NTRK3: variants seen among roughly 807,000 people sequenced by gnomAD.
NTRK3 encodes the protein NT-3 growth factor receptor.
NTRK3 carries 24 observed loss-of-function variants against 91.7 expected under a neutral mutation model. That is an observed-to-expected ratio of 0.26 (90% CI 0.19 to 0.37). NTRK3 has a LOEUF of 0.37. Ranked by LOEUF, NTRK3 falls within the 10% of genes least tolerant of loss-of-function variation. NTRK3 has a pLI of 1.00. For synonymous variants in NTRK3, 483 were observed against 404.0 expected (o/e 1.20, Z -2.34); for missense variants, 880 against 1,068.9 (o/e 0.82, Z 2.46).
At position 88,149,380 on chromosome 15, in the gene NTRK3, G is replaced by A. The variant is rs192090288; in HGVS notation, c.396-1977C>T. 2.7e-3 allele frequency among the ~76,000 whole-genome samples: 414 copies of A among 152,262 alleles called. 4 individuals carry two copies. The highest frequency in any genetic ancestry group is 7.4e-3 in the African/African-American group (309 of 41,556). ...TGTCTCCCAAGTTTACTGTTCTGCT[G>A]TCTTCCCTGTACCCAGTACCCTCTC... On this transcript the variant is annotated intron_variant, in intron 5 of 18. Transcript: ENST00000394480.
intron 14 of NTRK3, among the ~76,000 whole-genome samples, chr15:88,016,970 A>AG (rs2077279073): frequency 6.6e-6 from 1 of 151,224 alleles, no homozygotes; most frequent in East Asian, 1.9e-4. Context: ...AAAAAAAAAA[A>AG]AAAAAAAAAA....
intron 14 of NTRK3, among the ~76,000 whole-genome samples, chr15:88,018,015 C>A (rs933682070): frequency 6.6e-6 from 1 of 152,166 alleles, no homozygotes. Flanking sequence ...CTGAGAGGCC[C>A]AGCCACAATC....
At chr15:88,198,144 G>A (rs969618955) in intron 3 of NTRK3, among the ~76,000 whole-genome samples, 6 of 152,182 alleles carry the variant, frequency 3.9e-5, no homozygotes, top group Non-Finnish European at 8.8e-5. Context: ...CAGGAATTGA[G>A]GTCAGGACTG....
At chr15:88,005,579 A>G (rs2076429235) in intron 14 of NTRK3, among the ~76,000 whole-genome samples, 1 of 152,120 alleles carries the variant, frequency 6.6e-6, no homozygotes. Context: ...TCTCAACTTT[A>G]GACTCCATGC....
At chr15:87,962,283 A>G (rs1014706704) in intron 14 of NTRK3, among the ~76,000 whole-genome samples, 4 of 152,062 alleles carry the variant, frequency 2.6e-5, no homozygotes, top group African/African-American at 9.7e-5. Context: ...TCCTTCCCCC[A>G]GGACTTATCT....
chr15:88,054,060 A>T (rs1471860587), intron 13 of NTRK3, among the ~76,000 whole-genome samples: 1 of 152,210 alleles, frequency 6.6e-6, no homozygotes, highest in Non-Finnish European at 1.5e-5. Context: ...TGGTGTTATG[A>T]CTGGTTCCAT....
chr15:88,026,443 G>A (rs760864319), intron 14 of NTRK3, among the ~76,000 whole-genome samples: 23 of 152,130 alleles, frequency 1.5e-4, no homozygotes, highest in Admixed American at 7.9e-4. Context: ...ACACTATAGA[G>A]ACAGTAGAAA....
intron 14 of NTRK3, among the ~76,000 whole-genome samples, chr15:88,000,689 A>G (rs1019332916): frequency 1.3e-5 from 2 of 151,822 alleles, no homozygotes; most frequent in Non-Finnish European, 2.9e-5. Context: ...AAGTACCAAT[A>G]CTCTATTCCT....
intron 5 of NTRK3, among the ~76,000 whole-genome samples, chr15:88,152,853 T>C (rs1400150129): frequency 6.6e-6 from 1 of 152,198 alleles, no homozygotes; most frequent in Non-Finnish European, 1.5e-5. Flanking sequence ...ATCTGCCCAC[T>C]TGCCCACCCC....
At chr15:87,911,125 AAC>A (rs1257335400) in intron 17 of NTRK3, among the ~76,000 whole-genome samples, 1 of 152,188 alleles carries the variant, frequency 6.6e-6, no homozygotes, top group Non-Finnish European at 1.5e-5. Flanking sequence ...GAGCAAGATA[AAC>A]ACAGTCACAG....
intron 17 of NTRK3, chr15:87,928,635 T>G (rs2141902006): frequency 5.9e-6 from 1 of 169,404 alleles, no homozygotes; most frequent in East Asian, 1.6e-4. Flanking sequence ...ATGCTTCCTT[T>G]CCTCATCTGT....
chr15:87,902,173 G>A (rs577366090), intron 17 of NTRK3, among the ~76,000 whole-genome samples: 1 of 152,198 alleles, frequency 6.6e-6, no homozygotes, highest in African/African-American at 2.4e-5. Flanking sequence ...AAATATCTAT[G>A]TTCCTCCATA....
intron 3 of NTRK3, among the ~76,000 whole-genome samples, chr15:88,204,054 C>T (rs1442331901): frequency 6.6e-6 from 1 of 152,130 alleles, no homozygotes; most frequent in African/African-American, 2.4e-5. Context: ...CCAACAGGCC[C>T]CAGTGTGTGA....
chr15:88,055,887 CT>C (rs2045630331), intron 13 of NTRK3, among the ~76,000 whole-genome samples: 1 of 152,078 alleles, frequency 6.6e-6, no homozygotes, highest in Non-Finnish European at 1.5e-5. Context: ...AGGTTGTTGC[CT>C]TGATAAAGGA....
chr15:88,099,516 G>A (rs2049963464), intron 13 of NTRK3, among the ~76,000 whole-genome samples: 1 of 152,128 alleles, frequency 6.6e-6, no homozygotes, highest in South Asian at 2.1e-4. Context: ...AGTTGGCCAG[G>A]TATTCCCTGA....
chr15:88,012,870 G>C (rs1335656691), intron 14 of NTRK3, among the ~76,000 whole-genome samples: 1 of 152,228 alleles, frequency 6.6e-6, no homozygotes, highest in Non-Finnish European at 1.5e-5. Context: ...TTCGGATTCA[G>C]TGGGTCTGAA....
chr15:88,150,017 C>T (rs890105718), intron 5 of NTRK3, among the ~76,000 whole-genome samples: 44 of 152,214 alleles, frequency 2.9e-4, no homozygotes, highest in African/African-American at 1.0e-3. Context: ...CGTCCCCTGC[C>T]TTTAGCTCCC....
At chr15:87,882,834 A>G (rs1009600788) in intron 17 of NTRK3, among the ~76,000 whole-genome samples, 3 of 152,104 alleles carry the variant, frequency 2.0e-5, no homozygotes, top group African/African-American at 7.2e-5. Flanking sequence ...TAATACCAAA[A>G]AGACTACAGA....
chr15:87,885,648 T>G (rs568563896), intron 17 of NTRK3, 46 bp downstream of exon 18: 5 of 1,020,590 alleles, frequency 4.9e-6, no homozygotes, highest in African/African-American at 3.3e-5. Context: ...ATTAAAGTGT[T>G]GGGACAATGA....
Sources: allele counts gnomAD v4.1 joint callset (sites outside exome capture counted in the v4.1 genomes callset), GRCh38; gene constraint gnomAD v4.1.1; transcripts MANE v1.5; gene names NCBI Gene and HGNC (gene_info 2026-07-23, HGNC 2026-07-21).